Variants in ZNF841 observed in about 807,000 individuals in gnomAD.
ZNF841 encodes the protein zinc finger protein 841.
Under a neutral mutation model 13.0 loss-of-function variants are expected in ZNF841, and 11 were observed. The ratio of observed to expected loss-of-function variants is 0.85; its 90% CI spans 0.53 to 1.40. The LOEUF is 1.40. Ranked by LOEUF, ZNF841 falls within the 40% of genes most tolerant of loss-of-function variation. The probability of loss-of-function intolerance (pLI) is 0.00; values close to 1 mark genes in which losing one functional copy is unlikely to be tolerated. For missense variants in ZNF841, 1,068 were observed against 1,139.5 expected (o/e 0.94, Z 0.90); for synonymous variants, 369 against 381.6 (o/e 0.97, Z 0.38).
chr19:52,090,654 G>GGAAGGAAAGAAAGAAAGAAA lies in ZNF841; in HGVS notation c.-143-1653_-143-1652insTTTCTTTCTTTCTTTCCTTC, dbSNP rs1183196348. On this transcript the variant is annotated intron_variant, in intron 2 of 6. Coordinates refer to ENST00000594440, the MANE Select transcript of ZNF841 (RefSeq NM_001136499.2). ...AAGAAGGAAGGAAGGAAGGAAGGAA[G>GGAAGGAAAGAAAGAAAGAAA]GAAAGAAAGAAAGAAAGAAAGAAAG... Among the ~76,000 whole-genome samples the GGAAGGAAAGAAAGAAAGAAA allele has an allele frequency of 1.7e-3, 145 of 84,624 alleles. 1 individual carries two copies. Among genetic ancestry groups the GGAAGGAAAGAAAGAAAGAAA allele is most frequent in the South Asian group, 6.2e-3 (14 of 2,244 alleles). 55.5% of individuals were successfully genotyped at this position (84,624 alleles called of 152,430 possible).
At chr19:52,061,909 C>T (rs1421259855), downstream of ZNF841, among the ~76,000 whole-genome samples, 5 of 152,070 alleles carry the variant, frequency 3.3e-5, no homozygotes, top group Non-Finnish European at 7.4e-5. Flanking sequence ...CCCTATAGCC[C>T]CCTTACCAAG....
At position 52,065,037 on chromosome 19, in the gene ZNF841, G is replaced by C. The variant is rs779023797; in HGVS notation, c.*70C>G. The C allele has an allele frequency of 5.2e-6, 7 of 1,347,706 alleles. No homozygotes were observed. The highest frequency in any genetic ancestry group is 6.9e-6 in the Non-Finnish European group (7 of 1,012,872). 83.5% of individuals were successfully genotyped at this position (1,347,706 alleles called of 1,614,324 possible). A position where few individuals can be genotyped will look rare whatever the true frequency, so the allele number is the denominator to read the frequency against. ...ACTAGGCTCCACCTCCAATACTGGAGATTACTACAATTCCACATGAGACTT... is the reference window on the plus strand; with the variant it reads ...ACTAGGCTCCACCTCCAATACTGGACATTACTACAATTCCACATGAGACTT... On this transcript the variant is annotated 3_prime_UTR_variant, in exon 7 of 7. Transcript: ENST00000594440.
rs764228115 is a variant in ZNF841, at chr19:52,066,265, T to C, written c.1617A>G (p.Lys539=). The C allele has an allele frequency of 1.2e-6, 2 of 1,614,034 alleles. No homozygotes were observed. Among genetic ancestry groups the C allele is most frequent in the Middle Eastern group, 1.6e-4 (1 of 6,062 alleles). The change falls in exon 7 of 7, where the codon AAA becomes AAG. Residue 539 remains lysine, a synonymous_variant. Coordinates refer to ENST00000594440, the MANE Select transcript of ZNF841 (RefSeq NM_001136499.2). ...TGCCACACACATTACATTTGTAAGGTTTCTCTCCGGTATGAATTCTCTGAT... is the reference window on the plus strand; with the variant it reads ...TGCCACACACATTACATTTGTAAGGCTTCTCTCCGGTATGAATTCTCTGAT... ...TVHQRIHTGE[K]PYKCNVCGKV...
chr19:52,095,261 G>A (rs139085101), intron 1 of ZNF841, among the ~76,000 whole-genome samples: 3 of 152,328 alleles, frequency 2.0e-5, no homozygotes, highest in African/African-American at 7.2e-5. Flanking sequence ...ACACGAGGTG[G>A]CGCGGAGAAC....
At chr19:52,058,589 C>T in the ZNF841 span, 2 of 152,314 alleles carry the variant, frequency 1.3e-5, no homozygotes, top group Non-Finnish European at 2.9e-5. Context: ...AAACCTTATA[C>T]ATGTCCTTTC....
At position 52,066,391 on chromosome 19, in the gene ZNF841, A is replaced by G; in HGVS notation, c.1491T>C (p.His497=). ...CNECGKVFSQ[H]SHLAVHQRVH... is the part of the protein sequence containing the mutation. ...CTCTCTGATGCACTGCAAGATGTGA[A>G]TGTTGACTGAAGACCTTGCCACATT... The change falls in exon 7 of 7, where the codon CAT becomes CAC. Residue 497 remains histidine, a synonymous_variant. Coordinates refer to ENST00000594440, the MANE Select transcript of ZNF841 (RefSeq NM_001136499.2). The G allele has an allele frequency of 6.2e-7, 1 of 1,614,002 alleles. No individual in the cohort carries two copies. Among genetic ancestry groups the G allele is most frequent in the Non-Finnish European group, 8.5e-7 (1 of 1,179,966 alleles).
chr19:52,085,179 C>G (rs2088229150), intron 3 of ZNF841, among the ~76,000 whole-genome samples: 1 of 152,174 alleles, frequency 6.6e-6, no homozygotes, highest in Non-Finnish European at 1.5e-5. Context: ...ACAGCCCCCT[C>G]ACCTCCCTGT....
chr19:52,083,594 C>A lies in ZNF841; in HGVS notation c.15+1193G>T, dbSNP rs970404674. The stretch of plus-strand genomic sequence containing the variant: ...TCATTTTATGCTCAATTTTCTTTTA[C>A]TGCATTCTAGGAGCTATTTCATGTT... On this transcript the variant is annotated intron_variant, in intron 4 of 6. Transcript: ENST00000594440. Among the ~76,000 whole-genome samples, 35 of 151,978 alleles carry A rather than the reference C, an allele frequency of 2.3e-4. No homozygotes were observed. In the South Asian group the frequency reaches 3.1e-3, roughly 14 times the overall value.
rs2087549102 is a variant in ZNF841 at position 52,066,088 on chromosome 19, T to G, written c.1794A>C (p.Lys598Asn). The G allele has an allele frequency of 1.2e-6, 2 of 1,614,000 alleles. No individual in the cohort carries two copies. The highest frequency in any genetic ancestry group is 1.7e-6 in the Non-Finnish European group (2 of 1,180,004). ...TGAAGACCTTGCCACACACATTACA[T>G]TTGTAAGGTTTCTCTCCGGTATGCA... ...QRMHTGEKPY[K>N]CNVCGKVFID... Residue 598 changes from lysine to asparagine, a missense_variant, in exon 7 of 7, where the codon AAA (lysine) becomes AAC (asparagine). Physicochemically the swap from Lys to Asn is moderately conservative, Grantham distance 94. Transcript: ENST00000594440.
rs2088402748 is a variant in ZNF841, at chr19:52,089,582, C to T, written c.-143-580G>A. Among the ~76,000 whole-genome samples, 2 of 152,070 alleles carry T rather than the reference C, an allele frequency of 1.3e-5. 1 individual carries two copies. Among genetic ancestry groups the T allele is most frequent in the South Asian group, 4.1e-4 (2 of 4,824 alleles). ...GGATGCCTTCAGCCCGGGAGGCGGACATTACAGTGAGCCGAGGTCACATCA... is the reference window on the plus strand; with the variant it reads ...GGATGCCTTCAGCCCGGGAGGCGGATATTACAGTGAGCCGAGGTCACATCA... On this transcript the variant is annotated intron_variant, in intron 2 of 6. Transcript: ENST00000594440.
At position 52,066,647 on chromosome 19, in the gene ZNF841, C is replaced by T. The variant is rs551467388; in HGVS notation, c.1235G>A (p.Arg412Gln). 23 of 1,612,778 alleles carry T rather than the reference C, an allele frequency of 1.4e-5. No individual in the cohort carries two copies. The highest frequency in any genetic ancestry group is 1.2e-4 in the South Asian group (11 of 90,952). ...ATGATGTGCAGTGAGGCTTGAGTTC[C>T]GTTTAAAGGTTTTGCCACATTCATT... ...KCNECGKTFK[R>Q]NSSLTAHHII... Residue 412 changes from arginine to glutamine, a missense_variant, in exon 7 of 7, where the codon CGG becomes CAG. Coordinates refer to ENST00000594440, the MANE Select transcript of ZNF841 (RefSeq NM_001136499.2).
At chr19:52,059,384 TATATATACAC>T in the ZNF841 span, among the ~76,000 whole-genome samples, 1 of 115,832 alleles carries the variant, frequency 8.6e-6, no homozygotes, top group South Asian at 3.4e-4. Context: ...TATATATATA[TATATATACAC>T]ACACACACAC....
chr19:52,089,102 A>C (rs1251660743), intron 2 of ZNF841, 100 bp from the exon 3 acceptor site: 1 of 152,194 alleles, frequency 6.6e-6, no homozygotes, highest in African/African-American at 2.4e-5. Flanking sequence ...CTCATATTGA[A>C]AATGCAGCTT....
At chr19:52,067,845 CAA>C (rs1433546482) in intron 6 of ZNF841, among the ~76,000 whole-genome samples, 1 of 151,932 alleles carries the variant, frequency 6.6e-6, no homozygotes, top group African/African-American at 2.4e-5. Context: ...ATCCTTCGAC[CAA>C]AAGACTCATG....
chr19:52,066,698 T>C lies in ZNF841; in HGVS notation c.1184A>G (p.His395Arg). 1.2e-6 allele frequency: 2 copies of C among 1,611,854 alleles called. No homozygotes were observed. The highest frequency in any genetic ancestry group is 1.7e-6 in the Non-Finnish European group (2 of 1,178,754). ...SSSLATHQTV[H>R]TGDKPYKCNE... Reference sequence around the variant, plus strand: ...ACATTTGTAGGGTTTGTCTCCAGTATGAACTGTCTGATGAGTTGCAAGAGA... The same window carrying C: ...ACATTTGTAGGGTTTGTCTCCAGTACGAACTGTCTGATGAGTTGCAAGAGA... Residue 395 changes from histidine (H) to arginine (R), a missense_variant, in exon 7 of 7, where the codon CAT becomes CGT. By Grantham distance (29) the His-to-Arg change is conservative (BLOSUM62 0). Coordinates refer to ENST00000594440, the MANE Select transcript of ZNF841 (RefSeq NM_001136499.2).
At chr19:52,093,008 C>T (rs893316687) in intron 2 of ZNF841, among the ~76,000 whole-genome samples, 3 of 151,998 alleles carry the variant, frequency 2.0e-5, no homozygotes, top group Admixed American at 6.6e-5. Context: ...ATCAGCTACT[C>T]GGGAGGCTGA....
At position 52,066,695 on chromosome 19, in the gene ZNF841, G is replaced by A. The variant is rs2087579423; in HGVS notation, c.1187C>T (p.Thr396Ile). 1.2e-6 allele frequency: 2 copies of A among 1,611,814 alleles called. No homozygotes were observed. Among genetic ancestry groups the A allele is most frequent in the African/African-American group, 1.3e-5 (1 of 75,000 alleles). ...SSLATHQTVHTGDKPYKCNEC... is the reference protein window; with the variant it reads ...SSLATHQTVHIGDKPYKCNEC... ...ATTACATTTGTAGGGTTTGTCTCCA[G>A]TATGAACTGTCTGATGAGTTGCAAG... The change falls in exon 7 of 7, where the codon ACT becomes ATT. Residue 396 changes from threonine to isoleucine, a missense_variant. Physicochemically the swap from Thr to Ile is moderately conservative, Grantham distance 89. Coordinates refer to ENST00000594440, the MANE Select transcript of ZNF841 (RefSeq NM_001136499.2).
At chr19:52,091,083 C>T (rs1389908303) in intron 2 of ZNF841, among the ~76,000 whole-genome samples, 7 of 152,136 alleles carry the variant, frequency 4.6e-5, no homozygotes, top group Admixed American at 6.5e-5. Context: ...GCCCCTGACC[C>T]CTTCTTCCAA....
chr19:52,064,171 C>T (rs1023326599), downstream of ZNF841, among the ~76,000 whole-genome samples: 4 of 151,110 alleles, frequency 2.6e-5, no homozygotes, highest in Non-Finnish European at 4.4e-5. Context: ...GGTGAAACCC[C>T]GTCTCTACTA....
Sources: gnomAD v4.1 joint callset for allele counts (sites outside exome capture counted in the v4.1 genomes callset) on GRCh38, gnomAD v4.1.1 for gene constraint, MANE v1.5 for transcripts, NCBI Gene and HGNC (gene_info 2026-07-23, HGNC 2026-07-21) for gene names.